PLIN3: variants seen among roughly 807,000 people sequenced by gnomAD.
PLIN3 encodes the protein perilipin 3.
Under a neutral mutation model 35.9 loss-of-function variants are expected in PLIN3, and 30 were observed. That is an observed-to-expected ratio of 0.84 (90% CI 0.62 to 1.13). The LOEUF is 1.13. Among genes scored for constraint, PLIN3 ranks in the 50% most tolerant of loss-of-function variants. PLIN3 has a pLI of 0.00. For synonymous variants in PLIN3, 261 were observed against 262.5 expected, an observed-to-expected ratio of 0.99 and a Z score of 0.06; for missense variants, 603 against 596.9, an observed-to-expected ratio of 1.01 and a Z score of -0.11.
At chr19:4,865,501 AC>A (rs1031791412) in intron 1 of PLIN3, among the ~76,000 whole-genome samples, 6 of 151,230 alleles carry the variant, frequency 4.0e-5, no homozygotes, top group African/African-American at 1.5e-4. Flanking sequence ...AAAAAAAAAA[AC>A]ATGGGGCTAA....
chr19:4,863,169 C>T (rs1224202852), intron 1 of PLIN3, among the ~76,000 whole-genome samples: 3 of 144,624 alleles, frequency 2.1e-5, no homozygotes, highest in Non-Finnish European at 3.0e-5. Context: ...AACACAAAAA[C>T]AAAAATAAGT....
At chr19:4,845,079 G>A (rs112823509) in intron 6 of PLIN3, among the ~76,000 whole-genome samples, 186 of 152,268 alleles carry the variant, frequency 1.2e-3, no homozygotes, top group African/African-American at 4.4e-3. Context: ...GCCTGGACAC[G>A]TGGCTGGCTT....
At chr19:4,854,869 C>T (rs923322548) in intron 4 of PLIN3, among the ~76,000 whole-genome samples, 6 of 152,072 alleles carry the variant, frequency 3.9e-5, no homozygotes, top group Non-Finnish European at 7.3e-5. Flanking sequence ...CATCCCGGCA[C>T]TTTGGGAGGC....
At chr19:4,847,970 C>T in intron 5 of PLIN3, 80 bp from the exon 6 acceptor site, 3 of 963,720 alleles carry the variant, frequency 3.1e-6, no homozygotes, top group Non-Finnish European at 4.8e-6. Flanking sequence ...TCCCAAGAAT[C>T]ACACTGTCCA....
In PLIN3 at chr19:4,839,297, G is replaced by A. The variant is rs1203062132; in HGVS notation, c.1200C>T (p.Ala400=). ...SRERVASARE[A]LDHMVEYVAQ... is the part of the protein sequence containing the mutation. ...CCACATATTCCACCATGTGGTCCAG[G>A]GCCTCGCGGGCGCTGGCGACACGCT... Residue 400 remains alanine, a synonymous_variant, in exon 8 of 8, where the codon GCC becomes GCT. Transcript: ENST00000221957. 1.9e-6 allele frequency: 3 copies of A among 1,614,050 alleles called. No individual in the cohort carries two copies. Among genetic ancestry groups the A allele is most frequent in the Non-Finnish European group, 2.5e-6 (3 of 1,180,016 alleles).
At position 4,861,381 on chromosome 19, in the gene PLIN3, C is replaced by T; in HGVS notation, c.14G>A (p.Gly5Glu). 1 of 1,612,638 alleles carries T rather than the reference C, an allele frequency of 6.2e-7. No homozygotes were observed. The highest frequency in any genetic ancestry group is 8.5e-7 in the Non-Finnish European group (1 of 1,179,666). The change falls in exon 2 of 8, where the codon GGG becomes GAG. Residue 5 changes from glycine (G) to glutamate (E), a missense_variant. Gly to Glu is a moderately conservative substitution (Grantham distance 98, BLOSUM62 -2). Coordinates refer to ENST00000221957, the MANE Select transcript of PLIN3 (RefSeq NM_005817.5). ...CTGGGTGCTGCCATCAGCCTCTGCC[C>T]CGTCGGCAGACATGGTCTCTGCAGC... MSAD[G>E]AEADGSTQVT...
At chr19:4,847,628 G>A in intron 6 of PLIN3, 63 bp downstream of exon 6, 1 of 1,389,248 alleles carries the variant, frequency 7.2e-7, no homozygotes. Context: ...ACTGAGCTCT[G>A]GGTGGGTGTC....
At chr19:4,842,751 A>G (rs767626954) in intron 7 of PLIN3, among the ~76,000 whole-genome samples, 2 of 152,014 alleles carry the variant, frequency 1.3e-5, no homozygotes, top group Non-Finnish European at 2.9e-5. Flanking sequence ...TTGAAAAGTC[A>G]TTCTGGCTGC....
intron 1 of PLIN3, among the ~76,000 whole-genome samples, chr19:4,864,808 G>C (rs373247726): frequency 3.3e-5 from 5 of 152,130 alleles, no homozygotes; most frequent in Non-Finnish European, 1.5e-5. Flanking sequence ...GATTCTCAGG[G>C]GGAAGCCAGG....
intron 1 of PLIN3, among the ~76,000 whole-genome samples, chr19:4,865,196 A>G (rs2030807738): frequency 6.7e-6 from 1 of 149,684 alleles, no homozygotes; most frequent in South Asian, 2.1e-4. Flanking sequence ...CATCTCAAAG[A>G]AAAAAGAAAA....
chr19:4,847,191 ATTTTT>A (rs34037864), intron 6 of PLIN3, among the ~76,000 whole-genome samples: 1 of 138,120 alleles, frequency 7.2e-6, no homozygotes, highest in East Asian at 2.1e-4. Context: ...CCTGGCCACG[ATTTTT>A]TTTTTTTTTT....
intron 1 of PLIN3, among the ~76,000 whole-genome samples, chr19:4,863,672 A>G (rs914431496): frequency 4.0e-5 from 6 of 151,312 alleles, no homozygotes; most frequent in South Asian, 2.1e-4. Context: ...TACAAAAATT[A>G]GCCAGGCGTG....
In PLIN3 at chr19:4,858,703, T is replaced by TTTTG. The variant is rs1342750688; in HGVS notation, c.348+886_348+887insCAAA. Among the ~76,000 whole-genome samples the TTTTG allele has an allele frequency of 5.8e-3, 553 of 95,416 alleles. 10 individuals carry two copies. Among genetic ancestry groups the TTTTG allele is most frequent in the African/African-American group, 0.015 (507 of 33,044 alleles). 62.6% of individuals were successfully genotyped at this position (95,416 alleles called of 152,430 possible). ...GGCCAGAATATGGTGTTTTTTTGGTTTTTTTTTTTTTTTTTGAGATGGAGT... is the reference window on the plus strand; with the variant it reads ...GGCCAGAATATGGTGTTTTTTTGGTTTTTGTTTTTTTTTTTTTTTGAGATGGAGT... On this transcript the variant is annotated intron_variant, in intron 4 of 7. Coordinates refer to ENST00000221957, the MANE Select transcript of PLIN3 (RefSeq NM_005817.5).
intron 2 of PLIN3, among the ~76,000 whole-genome samples, chr19:4,860,805 T>TA (rs1425890916): frequency 6.6e-6 from 1 of 152,042 alleles, no homozygotes; most frequent in Non-Finnish European, 1.5e-5. Context: ...ACTCCGTCTC[T>TA]ACTAAAAATA....
intron 1 of PLIN3, among the ~76,000 whole-genome samples, chr19:4,863,357 C>T (rs1483407175): frequency 2.7e-5 from 4 of 150,828 alleles, no homozygotes; most frequent in Admixed American, 6.6e-5. Context: ...ATTAGCCAGG[C>T]ATGGTGGCGA....
intron 6 of PLIN3, among the ~76,000 whole-genome samples, chr19:4,846,100 G>A (rs1202947207): frequency 1.3e-5 from 2 of 151,644 alleles, no homozygotes; most frequent in East Asian, 1.9e-4. Flanking sequence ...GGTGGCCGGC[G>A]CCTGTAGTCC....
chr19:4,866,737 G>A (rs369849120), intron 1 of PLIN3: 2 of 152,322 alleles, frequency 1.3e-5, no homozygotes, highest in South Asian at 2.1e-4. Flanking sequence ...TCCTGGCCTC[G>A]ACCGATTCTC....
chr19:4,843,090 C>T (rs535608076), intron 7 of PLIN3, among the ~76,000 whole-genome samples: 8 of 152,008 alleles, frequency 5.3e-5, no homozygotes, highest in African/African-American at 1.4e-4. Context: ...GGCGTGGTGA[C>T]GCATGCCTGT....
Position 4,847,840 on chromosome 19 carries a change from G to C in PLIN3, c.685C>G (p.Gln229Glu), listed in dbSNP as rs377622855. 2 of 1,613,976 alleles carry C rather than the reference G, an allele frequency of 1.2e-6. No individual in the cohort carries two copies. The highest frequency in any genetic ancestry group is 2.2e-5 in the East Asian group (1 of 44,876). Reference sequence around the variant, plus strand: ...ACGAAGTAGCTCTGTTCCTGCCGCTGCTGCTGCACGGACGCGACGTCAAAG... The same window carrying C: ...ACGAAGTAGCTCTGTTCCTGCCGCTCCTGCTGCACGGACGCGACGTCAAAG... ...DGFDVASVQQ[Q>E]RQEQSYFVRL... The change falls in exon 6 of 8, where the codon CAG (glutamine) becomes GAG (glutamate). Residue 229 changes from glutamine to glutamate, a missense_variant. Transcript: ENST00000221957.
Sources: allele counts gnomAD v4.1 joint callset (sites outside exome capture counted in the v4.1 genomes callset), GRCh38; gene constraint gnomAD v4.1.1; transcripts MANE v1.5; gene names NCBI Gene and HGNC (gene_info 2026-07-23, HGNC 2026-07-21).